Variants in WFDC1 observed in about 807,000 individuals in gnomAD.
The protein encoded by WFDC1 is WAP four-disulfide core domain 1.
In WFDC1, 39 loss-of-function variants were observed where a neutral mutation model predicts 32.9. The ratio of observed to expected loss-of-function variants is 1.19; its 90% CI spans 0.92 to 1.55. The LOEUF is 1.55. WFDC1 is among the 40% of genes most tolerant of loss of function. The pLI is 0.00. For synonymous variants in WFDC1, 184 were observed against 137.4 expected (o/e 1.34, Z -2.37); for missense variants, 386 against 309.5 (o/e 1.25, Z -1.85).
intron 1 of WFDC1, among the ~76,000 whole-genome samples, chr16:84,296,675 G>A (rs1409785214): frequency 6.6e-6 from 1 of 152,216 alleles, no homozygotes; most frequent in African/African-American, 2.4e-5. Context: ...TCGAGAAGTG[G>A]AAAGAGTAGT....
chr16:84,327,747 G>A (rs1240209073), intron 6 of WFDC1: 3 of 152,172 alleles, frequency 2.0e-5, no homozygotes, highest in Admixed American at 6.5e-5. Flanking sequence ...TTGCCTTGAT[G>A]TCTCCAGGAA....
rs779995536 is a variant in WFDC1, at chr16:84,313,122, C to G, written c.306C>G (p.Tyr102Ter). 8 of 1,445,692 alleles carry G rather than the reference C, an allele frequency of 5.5e-6. No individual in the cohort carries two copies. In the South Asian group the frequency reaches 1.1e-4, roughly 20 times the overall value. The allele number at this position is 1,445,692 out of a possible 1,614,324, so 89.6% of individuals were successfully genotyped here. A position where few individuals can be genotyped will look rare whatever the true frequency, so the allele number is the denominator to read the frequency against. Residue 102 changes from tyrosine to a stop codon, truncating the protein, a stop_gained, in exon 2 of 7, where the codon TAC (tyrosine) becomes TAG (stop). Coordinates refer to ENST00000219454, the MANE Select transcript of WFDC1 (RefSeq NM_021197.4). LOFTEE classifies it high-confidence loss of function. ...HRRCCYNGCA[Y>*]ACLEAVPPPP... ...GCTGCTGCTACAACGGATGCGCCTACGCCTGCCTAGAAGCTGTGCCGCCCC... is the reference window on the plus strand; with the variant it reads ...GCTGCTGCTACAACGGATGCGCCTAGGCCTGCCTAGAAGCTGTGCCGCCCC...
intron 1 of WFDC1, among the ~76,000 whole-genome samples, chr16:84,309,404 A>G (rs1213567295): frequency 6.6e-6 from 1 of 152,132 alleles, no homozygotes; most frequent in African/African-American, 2.4e-5. Context: ...TGCCTTTCAT[A>G]AAGCCTCTTT....
chr16:84,299,044 C>T (rs570733716), intron 1 of WFDC1, among the ~76,000 whole-genome samples: 4 of 152,282 alleles, frequency 2.6e-5, no homozygotes, highest in South Asian at 2.1e-4. Context: ...ATGTGCACTA[C>T]GGACAGATTT....
intron 1 of WFDC1, among the ~76,000 whole-genome samples, chr16:84,303,746 G>T (rs919126949): frequency 6.6e-6 from 1 of 152,176 alleles, no homozygotes; most frequent in African/African-American, 2.4e-5. Flanking sequence ...TCAGAGTCAT[G>T]CAACCGTCCT....
chr16:84,302,018 C>A (rs764091605), intron 1 of WFDC1, among the ~76,000 whole-genome samples: 1 of 152,224 alleles, frequency 6.6e-6, no homozygotes, highest in South Asian at 2.1e-4. Flanking sequence ...CACCTGTCCA[C>A]TCAGGGGACT....
intron 4 of WFDC1, among the ~76,000 whole-genome samples, chr16:84,319,815 A>C (rs890176904): frequency 2.6e-5 from 4 of 151,980 alleles, no homozygotes; most frequent in Non-Finnish European, 4.4e-5. Flanking sequence ...CCAGCTCTGC[A>C]CCTCCCAGCT....
intron 5 of WFDC1, 36 bp downstream of exon 5, chr16:84,324,496 A>C (rs1908475468): frequency 6.3e-7 from 1 of 1,586,758 alleles, no homozygotes; most frequent in Non-Finnish European, 8.6e-7. Context: ...TCCAGAGGGC[A>C]CAAAAAAAAG....
rs869071036 is a variant in WFDC1 at position 84,306,046 on chromosome 16, TAAA to T, written c.145-6913_145-6911del. Among the ~76,000 whole-genome samples the T allele has an allele frequency of 7.1e-3, 972 of 137,570 alleles. 12 individuals are homozygous for T. The highest frequency in any genetic ancestry group is 0.026 in the African/African-American group (909 of 35,106). The allele number at this position is 137,570 out of a possible 152,430, so 90.3% of individuals were successfully genotyped here. On this transcript the variant is annotated intron_variant, in intron 1 of 6. Transcript: ENST00000219454. ...ATAATAATAATAATAATAATAATAA[TAAA>T]AGGAATAAAAATCAGGTGAACTATG...
At chr16:84,312,575 T>C (rs559575656) in intron 1 of WFDC1, among the ~76,000 whole-genome samples, 1 of 152,260 alleles carries the variant, frequency 6.6e-6, no homozygotes, top group South Asian at 2.1e-4. Context: ...TATGTACATA[T>C]AGACATATGT....
intron 3 of WFDC1, 81 bp downstream of exon 3, chr16:84,318,436 C>G: frequency 7.1e-7 from 1 of 1,401,238 alleles, no homozygotes; most frequent in Middle Eastern, 2.1e-4. Flanking sequence ...CTGGCAGCAC[C>G]AGGCCGGCTG....
At chr16:84,327,102 C>A in intron 6 of WFDC1, 147 bp downstream of exon 6, 2 of 727,184 alleles carry the variant, frequency 2.8e-6, no homozygotes, top group Non-Finnish European at 4.8e-6. Context: ...TGCAGTAAGT[C>A]CTCACCTAAC....
rs61374409 is a variant in WFDC1 at position 84,299,221 on chromosome 16, G to A, written c.144+4106G>A. Among the ~76,000 whole-genome samples the A allele has an allele frequency of 3.5e-4, 53 of 152,176 alleles. 1 individual carries two copies. The East Asian group carries it at 7.9e-3, about 23-fold the overall frequency. On this transcript the variant is annotated intron_variant, in intron 1 of 6. Coordinates refer to ENST00000219454, the MANE Select transcript of WFDC1 (RefSeq NM_021197.4). The stretch of plus-strand genomic sequence containing the variant: ...ACTAAAAATACAAAAAAAATTAGCC[G>A]GGCATGGTGGCGCATGCCTGTAATC...
intron 2 of WFDC1, among the ~76,000 whole-genome samples, chr16:84,314,555 A>C (rs1023897440): frequency 6.6e-6 from 1 of 152,130 alleles, no homozygotes; most frequent in Non-Finnish European, 1.5e-5. Context: ...GGATGACCTC[A>C]CTTTGTTTTC....
At chr16:84,298,827 C>T (rs77475979) in intron 1 of WFDC1, among the ~76,000 whole-genome samples, 6,442 of 152,274 alleles carry the variant, frequency 0.042, 171 homozygotes, top group Middle Eastern at 0.075. Flanking sequence ...CTTCCATTCC[C>T]GTGGGAGGCC....
chr16:84,297,652 G>A (rs988616803), intron 1 of WFDC1, among the ~76,000 whole-genome samples: 4 of 132,244 alleles, frequency 3.0e-5, no homozygotes, highest in East Asian at 2.2e-4. Context: ...AAAAAACTGT[G>A]CCTCAGAGAA....
At chr16:84,297,571 T>G (rs981371764) in intron 1 of WFDC1, among the ~76,000 whole-genome samples, 1 of 143,402 alleles carries the variant, frequency 7.0e-6, no homozygotes, top group Non-Finnish European at 1.5e-5. Context: ...GAGCCGAGAT[T>G]GTGCCATTGC....
intron 2 of WFDC1, chr16:84,316,082 A>G (rs1907930126): frequency 6.6e-6 from 1 of 152,206 alleles, no homozygotes; most frequent in Non-Finnish European, 1.5e-5. Flanking sequence ...ACATATTACT[A>G]CGTTTCCCAC....
intron 1 of WFDC1, chr16:84,296,896 C>T (rs1193045563): frequency 6.6e-6 from 1 of 152,150 alleles, no homozygotes; most frequent in East Asian, 1.9e-4. Context: ...GGAGACCAGA[C>T]CTGGCCAGAG....
Sources: allele counts gnomAD v4.1 joint callset (sites outside exome capture counted in the v4.1 genomes callset), GRCh38; gene constraint gnomAD v4.1.1; transcripts MANE v1.5; gene names NCBI Gene and HGNC (gene_info 2026-07-23, HGNC 2026-07-21).